Variants in PKNOX2 observed in about 807,000 individuals in gnomAD.
PKNOX2 encodes PBX/knotted 1 homeobox 2, also known as homeobox protein PKNOX2.
Under a neutral mutation model 53.1 loss-of-function variants are expected in PKNOX2, and 14 were observed. The ratio of observed to expected loss-of-function variants is 0.26; its 90% CI spans 0.17 to 0.41. PKNOX2 has a LOEUF of 0.41. PKNOX2 is among the 10% of genes least tolerant of loss of function. The pLI is 1.00. For synonymous variants in PKNOX2, 257 were observed against 242.8 expected (o/e 1.06, Z -0.54); for missense variants, 496 against 602.8 (o/e 0.82, Z 1.85).
intron 1 of PKNOX2, among the ~76,000 whole-genome samples, chr11:125,206,732 A>G (rs1158584124): frequency 2.0e-5 from 3 of 152,116 alleles, no homozygotes; most frequent in African/African-American, 7.2e-5. Flanking sequence ...TGAGTGAGCT[A>G]ATCAGCATAA....
intron 4 of PKNOX2, among the ~76,000 whole-genome samples, chr11:125,359,281 T>C (rs1460711757): frequency 6.6e-6 from 1 of 152,166 alleles, no homozygotes; most frequent in Non-Finnish European, 1.5e-5. Context: ...CCTAAGCTTT[T>C]TCTGTGACTG....
intron 1 of PKNOX2, among the ~76,000 whole-genome samples, chr11:125,176,835 A>G (rs1391187223): frequency 6.6e-6 from 1 of 152,228 alleles, no homozygotes; most frequent in Non-Finnish European, 1.5e-5. Context: ...CGAGCTTCCC[A>G]GTCAGCTGCA....
intron 10 of PKNOX2, among the ~76,000 whole-genome samples, chr11:125,421,784 A>G (rs997614359): frequency 6.6e-6 from 1 of 152,244 alleles, no homozygotes; most frequent in African/African-American, 2.4e-5. Flanking sequence ...CAGGCTGCTT[A>G]CGCCCGGAGA....
rs570371548 is a variant in PKNOX2, at chr11:125,405,143, C to T, written c.589-5053C>T. Reference sequence around the variant, plus strand: ...ACTCACCGTCACCCACCCTCCCACACAATCCTTAGGAAATGGCATGGGCTC... The same window carrying T: ...ACTCACCGTCACCCACCCTCCCACATAATCCTTAGGAAATGGCATGGGCTC... On this transcript the variant is annotated intron_variant, in intron 7 of 12. Transcript: ENST00000298282. Among the ~76,000 whole-genome samples the T allele has an allele frequency of 9.2e-5, 14 of 152,354 alleles. No individual in the cohort carries two copies. The East Asian group carries it at 2.7e-3, about 29-fold the overall frequency.
intron 10 of PKNOX2, among the ~76,000 whole-genome samples, chr11:125,428,684 C>G (rs1416232238): frequency 1.3e-5 from 2 of 152,138 alleles, no homozygotes; most frequent in East Asian, 3.9e-4. Flanking sequence ...CTGCTGGGGG[C>G]GGCAGTGAGG....
intron 1 of PKNOX2, among the ~76,000 whole-genome samples, chr11:125,194,723 G>A (rs1447778065): frequency 6.6e-6 from 1 of 152,134 alleles, no homozygotes; most frequent in Non-Finnish European, 1.5e-5. Flanking sequence ...ATTTTGCCAC[G>A]AATGTAAAAT....
intron 2 of PKNOX2, among the ~76,000 whole-genome samples, chr11:125,252,422 AG>A (rs1944072881): frequency 6.6e-6 from 1 of 152,188 alleles, no homozygotes; most frequent in Admixed American, 6.5e-5. Context: ...AATAGATTGG[AG>A]GAAGGCAAAA....
intron 2 of PKNOX2, among the ~76,000 whole-genome samples, chr11:125,269,998 G>C (rs1453617840): frequency 6.6e-6 from 1 of 152,206 alleles, no homozygotes; most frequent in African/African-American, 2.4e-5. Context: ...CTAAGACAAG[G>C]AATGAAGATG....
intron 1 of PKNOX2, among the ~76,000 whole-genome samples, chr11:125,211,926 C>A (rs1038956170): frequency 6.6e-6 from 1 of 152,052 alleles, no homozygotes; most frequent in Non-Finnish European, 1.5e-5. Flanking sequence ...GGACAAGTCA[C>A]GATGTATTTG....
rs185514978 is a variant in PKNOX2, at chr11:125,176,825, C to T, written c.-201+12049C>T. On this transcript the variant is annotated intron_variant, in intron 1 of 12. Transcript: ENST00000298282. ...TGCTGCCAGGGATTGTGCTCTCATC[C>T]GAGCTTCCCAGTCAGCTGCATCACA... Among the ~76,000 whole-genome samples the T allele has an allele frequency of 1.4e-4, 21 of 152,308 alleles. No homozygotes were observed. In the East Asian group the frequency reaches 2.9e-3, roughly 21 times the overall value.
At chr11:125,242,349 C>T (rs1175403881) in intron 2 of PKNOX2, among the ~76,000 whole-genome samples, 2 of 152,156 alleles carry the variant, frequency 1.3e-5, no homozygotes, top group African/African-American at 4.8e-5. Context: ...CTCTTCATAC[C>T]CCCACCTGCC....
intron 4 of PKNOX2, among the ~76,000 whole-genome samples, chr11:125,362,476 C>G (rs1951977190): frequency 6.6e-6 from 1 of 152,142 alleles, no homozygotes; most frequent in South Asian, 2.1e-4. Context: ...TGGACTCAAG[C>G]AATCCTCCTG....
At chr11:125,174,904 A>G (rs929230450) in intron 1 of PKNOX2, among the ~76,000 whole-genome samples, 4 of 152,106 alleles carry the variant, frequency 2.6e-5, no homozygotes, top group Non-Finnish European at 4.4e-5. Context: ...CTGGTTTCAT[A>G]GTAGGGCAGC....
At chr11:125,394,608 C>G (rs1255080051) in intron 6 of PKNOX2, among the ~76,000 whole-genome samples, 1 of 152,246 alleles carries the variant, frequency 6.6e-6, no homozygotes, top group Non-Finnish European at 1.5e-5. Context: ...CTTCTCTACA[C>G]ACACCTCACA....
intron 4 of PKNOX2, among the ~76,000 whole-genome samples, chr11:125,354,666 G>A (rs543240670): frequency 2.6e-5 from 4 of 152,044 alleles, no homozygotes; most frequent in Admixed American, 6.5e-5. Context: ...CCCAAGCCCC[G>A]GACCTTCTTT....
rs150334360 is a variant in PKNOX2 at position 125,352,999 on chromosome 11, G to A, written c.87+1607G>A. The stretch of plus-strand genomic sequence containing the variant: ...TTTGCCTCCCAAGAAAGAAGTGAGA[G>A]AAGAAGCTAGGGGCCAGAATAGGGG... On this transcript the variant is annotated intron_variant, in intron 4 of 12. Coordinates refer to ENST00000298282, the MANE Select transcript of PKNOX2 (RefSeq NM_001382323.2). The surrounding 1 kb of genome is among the most constrained non-coding windows in gnomAD (Gnocchi z 4.1). Among the ~76,000 whole-genome samples the A allele has an allele frequency of 2.6e-5, 4 of 152,292 alleles. No individual in the cohort carries two copies. Among genetic ancestry groups the A allele is most frequent in the African/African-American group, 7.2e-5 (3 of 41,576 alleles).
intron 1 of PKNOX2, among the ~76,000 whole-genome samples, chr11:125,217,541 A>G (rs746786760): frequency 2.6e-5 from 4 of 152,228 alleles, no homozygotes; most frequent in African/African-American, 4.8e-5. Flanking sequence ...GCATGGAAAC[A>G]GGTAGAAGCC....
intron 2 of PKNOX2, among the ~76,000 whole-genome samples, chr11:125,312,372 C>T (rs962921592): frequency 6.6e-6 from 1 of 152,202 alleles, no homozygotes; most frequent in African/African-American, 2.4e-5. Context: ...GTGGAGGCCA[C>T]AGATCCAAGC....
At chr11:125,380,129 C>G (rs550368388) in intron 5 of PKNOX2, among the ~76,000 whole-genome samples, 1 of 152,340 alleles carries the variant, frequency 6.6e-6, no homozygotes, top group Non-Finnish European at 1.5e-5. Flanking sequence ...TGTCCGCGCT[C>G]CTGGGGAAGG....
Sources: allele counts gnomAD v4.1 joint callset (sites outside exome capture counted in the v4.1 genomes callset), GRCh38; gene constraint gnomAD v4.1.1; non-coding constraint Gnocchi (gnomAD v3.1); transcripts MANE v1.5; gene names NCBI Gene and HGNC (gene_info 2026-07-23, HGNC 2026-07-21).